Variants in MAGI2 observed in about 807,000 individuals in gnomAD.
The protein encoded by MAGI2 is membrane-associated guanylate kinase, WW and PDZ domain-containing protein 2.
MAGI2 carries 35 observed loss-of-function variants against 133.3 expected under a neutral mutation model. The ratio of observed to expected loss-of-function variants is 0.26; its 90% CI spans 0.20 to 0.35. MAGI2 has a LOEUF of 0.35. Among genes scored for constraint, MAGI2 ranks in the 10% least tolerant of loss-of-function variants. The pLI, the probability that MAGI2 is intolerant of heterozygous loss-of-function variation, is 1.00. For synonymous variants in MAGI2, 729 were observed against 710.6 expected, an observed-to-expected ratio of 1.03 and a Z score of -0.41; for missense variants, 1,636 against 1,863.4, an observed-to-expected ratio of 0.88 and a Z score of 2.25.
chr7:78,978,091 G>A (rs1804453313), intron 2 of MAGI2, among the ~76,000 whole-genome samples: 2 of 151,854 alleles, frequency 1.3e-5, no homozygotes, highest in South Asian at 2.1e-4. Flanking sequence ...AAATAATACG[G>A]CCACTTTGGA....
chr7:78,760,657 A>T (rs903179965), intron 2 of MAGI2, among the ~76,000 whole-genome samples: 1 of 152,156 alleles, frequency 6.6e-6, no homozygotes, highest in African/African-American at 2.4e-5. Flanking sequence ...AATTTGTTTT[A>T]TTAGAAGAAG....
chr7:79,173,202 T>A (rs962386192), intron 1 of MAGI2, among the ~76,000 whole-genome samples: 1 of 152,076 alleles, frequency 6.6e-6, no homozygotes, highest in Non-Finnish European at 1.5e-5. Context: ...ATGAACTTAC[T>A]AATAAATATG....
intron 9 of MAGI2, among the ~76,000 whole-genome samples, chr7:78,322,834 C>CA (rs1452736246): frequency 2.6e-5 from 4 of 152,040 alleles, no homozygotes; most frequent in Admixed American, 2.6e-4. Flanking sequence ...ATTAGTAACT[C>CA]AGAGTCTTAA....
intron 6 of MAGI2, among the ~76,000 whole-genome samples, chr7:78,374,750 T>C (rs986447096): frequency 2.0e-5 from 3 of 152,252 alleles, no homozygotes; most frequent in African/African-American, 4.8e-5. Context: ...TGAAATCAGA[T>C]ACACAGAACA....
At chr7:78,531,155 A>C (rs115296623) in intron 3 of MAGI2, among the ~76,000 whole-genome samples, 9 of 152,216 alleles carry the variant, frequency 5.9e-5, no homozygotes, top group African/African-American at 2.2e-4. Flanking sequence ...CAAACTTATA[A>C]GTCTATCTTT....
At chr7:78,922,715 T>C (rs185809281) in intron 2 of MAGI2, among the ~76,000 whole-genome samples, 2 of 152,056 alleles carry the variant, frequency 1.3e-5, no homozygotes, top group Non-Finnish European at 2.9e-5. Context: ...CCCAGTAATG[T>C]GATGGCTGGG....
At chr7:79,414,947 A>G (rs1846399704) in intron 1 of MAGI2, 1 of 152,264 alleles carries the variant, frequency 6.6e-6, no homozygotes, top group East Asian at 1.9e-4. Flanking sequence ...GAGGGACTAT[A>G]CTACATTAAC....
chr7:78,965,708 C>T (rs1317018991), intron 2 of MAGI2, among the ~76,000 whole-genome samples: 1 of 151,888 alleles, frequency 6.6e-6, no homozygotes, highest in Non-Finnish European at 1.5e-5. Context: ...AAATCAAATC[C>T]TAGGTATCAA....
intron 2 of MAGI2, among the ~76,000 whole-genome samples, chr7:78,824,227 T>G (rs1212569297): frequency 6.6e-6 from 1 of 152,124 alleles, no homozygotes; most frequent in Non-Finnish European, 1.5e-5. Context: ...AAAGAGAAGA[T>G]AAAAGTGATG....
chr7:78,148,174 T>C (rs1467551211), intron 16 of MAGI2, among the ~76,000 whole-genome samples: 1 of 152,166 alleles, frequency 6.6e-6, no homozygotes, highest in South Asian at 2.1e-4. Context: ...AAGCAAACTA[T>C]GGTGCGTCTA....
intron 2 of MAGI2, among the ~76,000 whole-genome samples, chr7:78,746,473 T>C (rs1419999241): frequency 6.6e-6 from 1 of 152,182 alleles, no homozygotes; most frequent in Admixed American, 6.5e-5. Flanking sequence ...GGTTAATTTC[T>C]GCCTGGATCA....
intron 2 of MAGI2, among the ~76,000 whole-genome samples, chr7:78,656,625 T>C (rs1812310023): frequency 6.6e-6 from 1 of 152,116 alleles, no homozygotes; most frequent in Admixed American, 6.5e-5. Context: ...GCATGAGAAC[T>C]AATTTGCTAG....
chr7:78,472,967 G>T (rs926717054), intron 6 of MAGI2, among the ~76,000 whole-genome samples: 4 of 152,084 alleles, frequency 2.6e-5, no homozygotes, highest in African/African-American at 9.7e-5. Context: ...ACAAGGGAAG[G>T]ATTCTAATTG....
At chr7:79,297,794 A>G (rs1293539595) in intron 1 of MAGI2, among the ~76,000 whole-genome samples, 2 of 152,250 alleles carry the variant, frequency 1.3e-5, no homozygotes, top group Non-Finnish European at 1.5e-5. Flanking sequence ...TGCCTGAGGC[A>G]AAATGAATGG....
chr7:78,105,495 T>C lies in MAGI2; in HGVS notation c.3567+20199A>G, dbSNP rs1350858052. ...TGTGCAGGATATGAGTCCTTGTTGC[T>C]TTATATCTTTGTCATCATTTGATAT... On this transcript the variant is annotated intron_variant, in intron 20 of 21. Transcript: ENST00000354212. 2.6e-5 allele frequency among the ~76,000 whole-genome samples: 4 copies of C among 152,340 alleles called. No homozygotes were observed. In the South Asian group the frequency reaches 8.3e-4, roughly 32 times the overall value.
chr7:78,973,560 G>C (rs1032069076), intron 2 of MAGI2, among the ~76,000 whole-genome samples: 3 of 146,734 alleles, frequency 2.0e-5, no homozygotes, highest in Non-Finnish European at 4.5e-5. Context: ...TTTTTTTTTT[G>C]TTATGAATTG....
intron 1 of MAGI2, among the ~76,000 whole-genome samples, chr7:79,053,641 C>T (rs949847037): frequency 1.3e-5 from 2 of 152,066 alleles, no homozygotes; most frequent in Admixed American, 6.6e-5. Flanking sequence ...TATAAGCTCC[C>T]ACACATGTAA....
intron 1 of MAGI2, among the ~76,000 whole-genome samples, chr7:79,153,790 G>C (rs1249782390): frequency 6.6e-6 from 1 of 152,060 alleles, no homozygotes; most frequent in Middle Eastern, 3.2e-3. Flanking sequence ...GATTCAGATG[G>C]GTTTATGCAA....
chr7:78,401,850 T>G (rs891597007), intron 6 of MAGI2, among the ~76,000 whole-genome samples: 3 of 152,130 alleles, frequency 2.0e-5, no homozygotes, highest in African/African-American at 7.2e-5. Context: ...AGGGTGTAAG[T>G]GGAGTATGAG....
Sources: allele counts gnomAD v4.1 joint callset (sites outside exome capture counted in the v4.1 genomes callset), GRCh38; gene constraint gnomAD v4.1.1; transcripts MANE v1.5; gene names NCBI Gene and HGNC (gene_info 2026-07-23, HGNC 2026-07-21).